Variants in FOXP1 observed in about 807,000 individuals in gnomAD.
The protein encoded by FOXP1 is forkhead box P1.
A neutral mutation model predicts 98.2 loss-of-function variants in FOXP1; 15 were observed. The ratio of observed to expected loss-of-function variants is 0.15; its 90% CI spans 0.10 to 0.24. The LOEUF is 0.24. Among genes scored for constraint, FOXP1 ranks in the 10% least tolerant of loss-of-function variants. The pLI, the probability that FOXP1 is intolerant of heterozygous loss-of-function variation, is 1.00. For synonymous variants in FOXP1, 371 were observed against 314.5 expected (o/e 1.18, Z -1.90); for missense variants, 633 against 848.5 (o/e 0.75, Z 3.15).
At chr3:71,361,017 G>A (rs764329619) in intron 3 of FOXP1, among the ~76,000 whole-genome samples, 14 of 152,196 alleles carry the variant, frequency 9.2e-5, no homozygotes, top group Non-Finnish European at 1.9e-4. Context: ...GGTGTCTAGT[G>A]TGCATAAACT....
At chr3:71,381,437 CTT>C (rs1171799165) in intron 3 of FOXP1, among the ~76,000 whole-genome samples, 295 of 77,694 alleles carry the variant, frequency 3.8e-3, no homozygotes, top group African/African-American at 0.015. Context: ...TGCGCCTGGC[CTT>C]TTTTTTTTTT....
rs1048435774 is a variant in FOXP1 at position 71,300,820 on chromosome 3, C to A, written c.-72-940G>T. On this transcript the variant is annotated intron_variant, in intron 4 of 20. Transcript: ENST00000649528. ...CAAAATGTTAATATCTTTTTGCTCACTCTTCAGAATAGCATGTAATGAAGT... is the reference window on the plus strand; with the variant it reads ...CAAAATGTTAATATCTTTTTGCTCAATCTTCAGAATAGCATGTAATGAAGT... Among the ~76,000 whole-genome samples the A allele has an allele frequency of 9.2e-5, 14 of 152,302 alleles. No homozygotes were observed. In the South Asian group the frequency reaches 1.2e-3, roughly 14 times the overall value.
chr3:71,348,760 C>A (rs551101421), intron 4 of FOXP1, among the ~76,000 whole-genome samples: 3 of 152,016 alleles, frequency 2.0e-5, no homozygotes, highest in East Asian at 1.9e-4. Context: ...TAGGATTCAC[C>A]AAGTCTGGAA....
intron 4 of FOXP1, among the ~76,000 whole-genome samples, chr3:71,341,784 T>C (rs796842126): frequency 2.6e-5 from 4 of 152,182 alleles, no homozygotes; most frequent in African/African-American, 7.2e-5. Context: ...CACCAACATA[T>C]CCTAGAGCTT....
At chr3:71,182,502 ATGTGTGTGTGTG>A (rs1234678062) in intron 6 of FOXP1, among the ~76,000 whole-genome samples, 12 of 133,702 alleles carry the variant, frequency 9.0e-5, no homozygotes, top group South Asian at 2.4e-4. Flanking sequence ...AACTATATAT[ATGTGTGTGTGTG>A]TGTGTGTGTG....
Position 70,993,457 on chromosome 3 carries a change from G to A in FOXP1, c.1063-5380C>T, listed in dbSNP as rs574935052. On this transcript the variant is annotated intron_variant, in intron 13 of 20. Coordinates refer to ENST00000649528, the MANE Select transcript of FOXP1 (RefSeq NM_001349338.3). ...AAGGAGCACAGGCTACAAAGGCTGG[G>A]TTAACCTCCTGGGCTCTGCCCTTAT... is the stretch of plus-strand genomic sequence containing the variant. 2.0e-3 allele frequency among the ~76,000 whole-genome samples: 304 copies of A among 152,334 alleles called. 1 individual carries two copies. Among genetic ancestry groups the A allele is most frequent in the Non-Finnish European group, 3.7e-3 (251 of 68,038 alleles).
At chr3:71,417,276 A>G (rs1409375747) in intron 3 of FOXP1, among the ~76,000 whole-genome samples, 2 of 152,214 alleles carry the variant, frequency 1.3e-5, no homozygotes, top group African/African-American at 4.8e-5. Flanking sequence ...CATGAAATTT[A>G]CAGATGGTTT....
chr3:71,330,336 C>T (rs1244181497), intron 4 of FOXP1, among the ~76,000 whole-genome samples: 1 of 152,146 alleles, frequency 6.6e-6, no homozygotes, highest in East Asian at 1.9e-4. Context: ...CAATTCATTA[C>T]ATATAAAATA....
At chr3:71,560,288 T>C (rs2046439584) in intron 2 of FOXP1, among the ~76,000 whole-genome samples, 1 of 152,208 alleles carries the variant, frequency 6.6e-6, no homozygotes, top group Non-Finnish European at 1.5e-5. Flanking sequence ...GCAATAAAGA[T>C]TATGTTATCA....
chr3:71,287,809 C>T (rs953591892), intron 5 of FOXP1, among the ~76,000 whole-genome samples: 18 of 152,040 alleles, frequency 1.2e-4, no homozygotes, highest in African/African-American at 4.1e-4. Context: ...AAAACAATAA[C>T]ATTAGGATTT....
chr3:71,183,426 G>C (rs2062451611), intron 6 of FOXP1, among the ~76,000 whole-genome samples: 2 of 152,104 alleles, frequency 1.3e-5, no homozygotes, highest in Admixed American at 6.5e-5. Flanking sequence ...TTGAACCCAG[G>C]AGGCGGAGGT....
intron 6 of FOXP1, among the ~76,000 whole-genome samples, chr3:71,192,819 T>A (rs1462476598): frequency 6.6e-6 from 1 of 152,024 alleles, no homozygotes; most frequent in East Asian, 1.9e-4. Flanking sequence ...CTAGATAACT[T>A]TTGCATTTTT....
At chr3:71,476,794 G>A (rs1231380124) in intron 3 of FOXP1, among the ~76,000 whole-genome samples, 1 of 151,888 alleles carries the variant, frequency 6.6e-6, no homozygotes, top group Non-Finnish European at 1.5e-5. Flanking sequence ...GTGAGCCACT[G>A]CGCCGGGCCG....
chr3:71,246,297 G>T lies in FOXP1; in HGVS notation c.-11-47905C>A, dbSNP rs374410413. Among the ~76,000 whole-genome samples, 95 of 152,322 alleles carry T rather than the reference G, an allele frequency of 6.2e-4. 1 individual carries two copies. Among genetic ancestry groups the T allele is most frequent in the African/African-American group, 2.1e-3 (87 of 41,560 alleles). The stretch of plus-strand genomic sequence containing the variant: ...GAGGACAGGGACAGTGATGCTGCCT[G>T]CGAGAACCCGAGAAACCTTCTGTGT... On this transcript the variant is annotated intron_variant, in intron 5 of 20. Coordinates refer to ENST00000649528, the MANE Select transcript of FOXP1 (RefSeq NM_001349338.3).
intron 20 of FOXP1, among the ~76,000 whole-genome samples, chr3:70,961,206 T>C (rs557698158): frequency 2.0e-5 from 3 of 152,064 alleles, no homozygotes; most frequent in South Asian, 4.2e-4. Flanking sequence ...CATTACATTT[T>C]ATGTATGGCT....
chr3:71,078,164 T>C (rs2054021320), intron 7 of FOXP1, among the ~76,000 whole-genome samples: 1 of 152,202 alleles, frequency 6.6e-6, no homozygotes, highest in East Asian at 1.9e-4. Context: ...CTGTAAGCTC[T>C]GAGAGATGAA....
intron 3 of FOXP1, among the ~76,000 whole-genome samples, chr3:71,441,761 G>A (rs910529596): frequency 6.6e-6 from 1 of 152,178 alleles, no homozygotes; most frequent in African/African-American, 2.4e-5. Context: ...TGCTCAACAA[G>A]ACACGCTATA....
chr3:71,443,827 G>T (rs2086164917), intron 3 of FOXP1, among the ~76,000 whole-genome samples: 1 of 152,246 alleles, frequency 6.6e-6, no homozygotes. Flanking sequence ...CTATAGTATT[G>T]TAGGGTGGCC....
intron 6 of FOXP1, among the ~76,000 whole-genome samples, chr3:71,197,440 T>A (rs1435572558): frequency 1.3e-5 from 2 of 152,200 alleles, no homozygotes; most frequent in Admixed American, 1.3e-4. Flanking sequence ...GAACACTATT[T>A]CTTGGGTCGC....
Sources: allele counts gnomAD v4.1 joint callset (sites outside exome capture counted in the v4.1 genomes callset), GRCh38; gene constraint gnomAD v4.1.1; transcripts MANE v1.5; gene names NCBI Gene and HGNC (gene_info 2026-07-23, HGNC 2026-07-21).